TMPRSS15: variants seen among roughly 807,000 people sequenced by gnomAD.
The protein encoded by TMPRSS15 is enteropeptidase.
Under a neutral mutation model 125.3 loss-of-function variants are expected in TMPRSS15, and 128 were observed. The observed-to-expected ratio is 1.02, with a 90% confidence interval of 0.89 to 1.18. The LOEUF is 1.18. Among genes scored for constraint, TMPRSS15 ranks in the 50% most tolerant of loss-of-function variants. The pLI, the probability that TMPRSS15 is intolerant of heterozygous loss-of-function variation, is 0.00. For missense variants in TMPRSS15, 1,283 were observed against 1,212.7 expected (o/e 1.06, Z -0.86); for synonymous variants, 446 against 423.2 (o/e 1.05, Z -0.66).
intron 24 of TMPRSS15, among the ~76,000 whole-genome samples, chr21:18,270,884 T>G (rs2074546755): frequency 6.6e-6 from 1 of 152,186 alleles, no homozygotes; most frequent in African/African-American, 2.4e-5. Flanking sequence ...CTGTATTAAT[T>G]GGGCAAATCT....
chr21:18,412,112 T>C (rs1201884424), intron 1 of TMPRSS15, among the ~76,000 whole-genome samples: 2 of 152,208 alleles, frequency 1.3e-5, no homozygotes, highest in Non-Finnish European at 2.9e-5. Context: ...TTCACAATTC[T>C]ATGATTTCAG....
rs569988618 is a variant in TMPRSS15, at chr21:18,451,754, G to C, written c.10+34045C>G. ...CTCTGTTTTCTATACTTTCCTGGTG[G>C]AAAAGGTTCAGTTTTTGTATGACTG... is the stretch of plus-strand genomic sequence containing the variant. On this transcript the variant is annotated intron_variant, in intron 1 of 7. Transcript: ENST00000422787. Among the ~76,000 whole-genome samples the C allele has an allele frequency of 3.3e-5, 5 of 152,158 alleles. No homozygotes were observed. The South Asian group carries it at 6.2e-4, about 19-fold the overall frequency.
At chr21:18,401,249 A>T (rs1204790918) in intron 1 of TMPRSS15, among the ~76,000 whole-genome samples, 2 of 152,172 alleles carry the variant, frequency 1.3e-5, no homozygotes. Context: ...AAAAGAAAAT[A>T]AGTCATTCTA....
At chr21:18,359,231 C>T (rs1038091682) in intron 8 of TMPRSS15, among the ~76,000 whole-genome samples, 17 of 151,964 alleles carry the variant, frequency 1.1e-4, no homozygotes, top group Admixed American at 5.3e-4. Context: ...CCATGTGTAA[C>T]GATAAATGGT....
intron 14 of TMPRSS15, among the ~76,000 whole-genome samples, chr21:18,331,167 T>G (rs28564713): frequency 0.016 from 2,467 of 152,250 alleles, 71 homozygotes; most frequent in African/African-American, 0.053. Context: ...GTTTATTTTT[T>G]GGGGATGAGG....
chr21:18,309,123 G>C (rs1165442656), intron 18 of TMPRSS15, among the ~76,000 whole-genome samples: 1 of 152,102 alleles, frequency 6.6e-6, no homozygotes, highest in African/African-American at 2.4e-5. Flanking sequence ...TGGGATTGCT[G>C]GGTCAAATGG....
At chr21:18,399,738 G>A (rs1758298972) in intron 1 of TMPRSS15, among the ~76,000 whole-genome samples, 1 of 152,060 alleles carries the variant, frequency 6.6e-6, no homozygotes, top group African/African-American at 2.4e-5. Flanking sequence ...GGTTATATGA[G>A]AACTCTGTAC....
intron 16 of TMPRSS15, among the ~76,000 whole-genome samples, chr21:18,325,875 C>T (rs918416765): frequency 3.3e-5 from 5 of 151,396 alleles, no homozygotes; most frequent in Non-Finnish European, 5.9e-5. Flanking sequence ...ATGAACATGC[C>T]GCTATTTTGT....
intron 17 of TMPRSS15, among the ~76,000 whole-genome samples, chr21:18,313,306 G>A (rs1308561473): frequency 6.6e-6 from 1 of 151,418 alleles, no homozygotes; most frequent in Non-Finnish European, 1.5e-5. Flanking sequence ...TGATGGATAG[G>A]TTGATTAGCA....
intron 16 of TMPRSS15, among the ~76,000 whole-genome samples, chr21:18,324,062 T>C (rs1472225985): frequency 1.3e-5 from 2 of 152,080 alleles, no homozygotes; most frequent in Non-Finnish European, 2.9e-5. Flanking sequence ...ACACAGAAAA[T>C]GTTATAACAC....
intron 21 of TMPRSS15, among the ~76,000 whole-genome samples, chr21:18,293,621 C>G (rs2074864468): frequency 6.6e-6 from 1 of 152,196 alleles, no homozygotes; most frequent in Non-Finnish European, 1.5e-5. Flanking sequence ...TTTACTCCCA[C>G]CCCCTTCCAT....
chr21:18,408,179 A>G (rs1479380136), upstream of TMPRSS15, among the ~76,000 whole-genome samples: 1 of 152,210 alleles, frequency 6.6e-6, no homozygotes, highest in East Asian at 1.9e-4. Context: ...TGCACAACAT[A>G]TAGTGTTCAT....
At chr21:18,339,918 C>T (rs1203243424) in intron 13 of TMPRSS15, among the ~76,000 whole-genome samples, 2 of 152,208 alleles carry the variant, frequency 1.3e-5, no homozygotes, top group African/African-American at 4.8e-5. Flanking sequence ...CACAAGTAGA[C>T]ACAGGCTCGA....
chr21:18,405,229 A>G (rs2076142019), upstream of TMPRSS15, among the ~76,000 whole-genome samples: 1 of 152,206 alleles, frequency 6.6e-6, no homozygotes, highest in South Asian at 2.1e-4. Flanking sequence ...ATTAATGGAT[A>G]AAATATTAGA....
At position 18,344,080 on chromosome 21, in the gene TMPRSS15, A is replaced by C; in HGVS notation, c.1172-20T>G. 1 of 1,590,146 alleles carries C rather than the reference A, an allele frequency of 6.3e-7. No homozygotes were observed. The highest frequency in any genetic ancestry group is 8.6e-7 in the Non-Finnish European group (1 of 1,159,572). ...AAAATCCTGTAAAAATATCAAAAAA[A>C]ATTTATTTCACTTAAATATTGCATT... On this transcript the variant is annotated intron_variant, in intron 10 of 24. Coordinates refer to ENST00000284885, the MANE Select transcript of TMPRSS15 (RefSeq NM_002772.3).
chr21:18,459,579 T>G (rs1358711492), intron 1 of TMPRSS15, among the ~76,000 whole-genome samples: 1 of 152,172 alleles, frequency 6.6e-6, no homozygotes, highest in Admixed American at 6.6e-5. Context: ...TAAGTCAATA[T>G]CTCATGTCCT....
chr21:18,315,665 A>C (rs2406175), intron 16 of TMPRSS15, among the ~76,000 whole-genome samples: 4,486 of 21,820 alleles, frequency 0.21, 1,063 homozygotes, highest in Middle Eastern at 0.23. Context: ...CTTAAAGTAT[A>C]ATAAAATATA....
chr21:18,445,086 T>C (rs1241287678), intron 1 of TMPRSS15, among the ~76,000 whole-genome samples: 3 of 152,174 alleles, frequency 2.0e-5, no homozygotes, highest in Non-Finnish European at 2.9e-5. Flanking sequence ...TAATGTCTTC[T>C]AGGTTCATCC....
At chr21:18,299,963 T>C (rs1484684440) in intron 18 of TMPRSS15, among the ~76,000 whole-genome samples, 1 of 152,198 alleles carries the variant, frequency 6.6e-6, no homozygotes, top group South Asian at 2.1e-4. Context: ...GCTACTGGCA[T>C]GAGGCTCTGC....
Sources: gnomAD v4.1 joint callset for allele counts (sites outside exome capture counted in the v4.1 genomes callset) on GRCh38, gnomAD v4.1.1 for gene constraint, MANE v1.5 for transcripts, NCBI Gene and HGNC (gene_info 2026-07-23, HGNC 2026-07-21) for gene names.